AFDN: variants seen among roughly 807,000 people sequenced by gnomAD.
The protein encoded by AFDN is afadin, adherens junction formation factor.
In AFDN, 68 loss-of-function variants were observed where a neutral mutation model predicts 216.6. The ratio of observed to expected loss-of-function variants is 0.31; its 90% CI spans 0.26 to 0.38. The LOEUF (loss-of-function observed/expected upper bound fraction) is 0.38, where lower values mean the gene tolerates loss of function less well. Among genes scored for constraint, AFDN ranks in the 10% least tolerant of loss-of-function variants. AFDN has a pLI of 1.00. For missense variants in AFDN, 2,136 were observed against 2,342.0 expected (o/e 0.91, Z 1.82); for synonymous variants, 868 against 853.7 (o/e 1.02, Z -0.29).
chr6:167,889,205 G>GT lies in AFDN; in HGVS notation c.898-3dup, dbSNP rs1223041323. The GT allele has an allele frequency of 1.3e-5, 20 of 1,599,228 alleles. No homozygotes were observed. The highest frequency in any genetic ancestry group is 8.9e-5 in the East Asian group (4 of 44,752). Reference sequence around the variant, plus strand: ...GGCACATTCATAGTTAATTATTTTTGTTTTTTTAGGTTATGCTTCCTCCTG... The same window carrying GT: ...GGCACATTCATAGTTAATTATTTTTGTTTTTTTTAGGTTATGCTTCCTCCTG... On this transcript the variant is annotated splice_polypyrimidine_tract_variant and intron_variant, in intron 6 of 33. Transcript: ENST00000683244.
Position 167,915,158 on chromosome 6 carries a change from G to C in AFDN, c.2300-10G>C. Reference sequence around the variant, plus strand: ...TTTGCTCCTCTTGTCCTCTCACCCTGTCTGGGCAGATGATGTGCTGCACAC... The same window carrying C: ...TTTGCTCCTCTTGTCCTCTCACCCTCTCTGGGCAGATGATGTGCTGCACAC... On this transcript the variant is annotated splice_polypyrimidine_tract_variant and intron_variant, in intron 18 of 33. Transcript: ENST00000683244. 1.2e-6 allele frequency: 2 copies of C among 1,613,596 alleles called. No individual in the cohort carries two copies.
chr6:167,906,825 T>A (rs1178044232), intron 12 of AFDN, among the ~76,000 whole-genome samples: 1 of 152,232 alleles, frequency 6.6e-6, no homozygotes, highest in Non-Finnish European at 1.5e-5. Flanking sequence ...TTTTCTTATG[T>A]CTTATCCTGA....
rs756894281 is a variant in AFDN at position 167,880,407 on chromosome 6, T to C, written c.787T>C (p.Tyr263His). ...AGATAGTTTAAAACCAAATATTCCCTACAAGACAATCCTGCTGTCTACTAC... is the reference window on the plus strand; with the variant it reads ...AGATAGTTTAAAACCAAATATTCCCCACAAGACAATCCTGCTGTCTACTAC... ...YADSLKPNIP[Y>H]KTILLSTTDP... is the part of the protein sequence containing the mutation. The change falls in exon 6 of 34, where the codon TAC becomes CAC. Residue 263 changes from tyrosine (Y) to histidine (H), a missense_variant. Physicochemically the swap from Tyr to His is moderately conservative, Grantham distance 83. Coordinates refer to ENST00000683244, the MANE Select transcript of AFDN (RefSeq NM_001386888.1). 1 of 1,613,772 alleles carries C rather than the reference T, an allele frequency of 6.2e-7. No individual in the cohort carries two copies. Among genetic ancestry groups the C allele is most frequent in the South Asian group, 1.1e-5 (1 of 91,054 alleles).
intron 9 of AFDN, among the ~76,000 whole-genome samples, chr6:167,896,153 C>T (rs927094370): frequency 5.3e-5 from 8 of 151,962 alleles, no homozygotes; most frequent in African/African-American, 1.9e-4. Context: ...CTCCTCCTCA[C>T]CCCTTCCCTG....
chr6:167,840,659 T>C (rs146608633), intron 1 of AFDN, among the ~76,000 whole-genome samples: 6 of 152,346 alleles, frequency 3.9e-5, no homozygotes, highest in African/African-American at 1.4e-4. Flanking sequence ...ATGTTGTGAC[T>C]GAGAAGAGTA....
chr6:167,842,552 A>G (rs941149304), intron 1 of AFDN, among the ~76,000 whole-genome samples: 2 of 22,644 alleles, frequency 8.8e-5, no homozygotes, highest in African/African-American at 6.7e-4. Context: ...TTCCTGGGTC[A>G]CAGTATATAC....
In AFDN at chr6:167,965,822, G is replaced by A. The variant is rs768251595; in HGVS notation, c.5034G>A (p.Ala1678=). Residue 1678 remains alanine, a synonymous_variant, in exon 32 of 34, where the codon GCG becomes GCA. Transcript: ENST00000683244. ...AGAGGCGCAGACAGCACGACGAGGC[G>A]GCGCGCAGGTTGCTGGAGCCCGAGG... The part of the protein sequence containing the change: ...EAERRRQHDE[A]ARRLLEPEAP... The A allele has an allele frequency of 1.5e-5, 24 of 1,560,544 alleles. No individual in the cohort carries two copies. In the South Asian group the frequency reaches 2.4e-4, roughly 15 times the overall value.
chr6:167,944,501 A>G (rs1289014800), intron 26 of AFDN, among the ~76,000 whole-genome samples: 1 of 152,230 alleles, frequency 6.6e-6, no homozygotes, highest in Non-Finnish European at 1.5e-5. Context: ...ATAGGCATCT[A>G]TTTGTATATG....
chr6:167,925,151 T>C, intron 23 of AFDN, 60 bp downstream of exon 23: 1 of 1,229,208 alleles, frequency 8.1e-7, no homozygotes, highest in Admixed American at 1.7e-5. Flanking sequence ...GAATCAGTGG[T>C]TGTCAGAGTG....
intron 32 of AFDN, chr6:167,968,796 TG>T (rs897369248): frequency 8.4e-5 from 24 of 286,118 alleles, no homozygotes; most frequent in African/African-American, 5.1e-4. Flanking sequence ...ATGTTGCCGA[TG>T]GGTTGATGTT....
chr6:167,871,678 C>T (rs896365314), intron 3 of AFDN, among the ~76,000 whole-genome samples: 2 of 152,118 alleles, frequency 1.3e-5, no homozygotes, highest in South Asian at 4.1e-4. Context: ...GATCTGGAAA[C>T]GAAGTTAGAG....
intron 1 of AFDN, 44 bp downstream of exon 1, chr6:167,827,281 G>A: frequency 1.2e-6 from 1 of 865,882 alleles, no homozygotes; most frequent in Non-Finnish European, 1.4e-6. Flanking sequence ...CCCGCCCGCT[G>A]CGCCGCGCCC....
intron 23 of AFDN, among the ~76,000 whole-genome samples, chr6:167,939,045 TG>T (rs1794358997): frequency 6.6e-6 from 1 of 152,216 alleles, no homozygotes; most frequent in African/African-American, 2.4e-5. Context: ...GTCATTTTTT[TG>T]GTCTGTATTA....
intron 1 of AFDN, among the ~76,000 whole-genome samples, chr6:167,848,734 G>A (rs917674228): frequency 6.6e-6 from 1 of 152,148 alleles, no homozygotes; most frequent in Non-Finnish European, 1.5e-5. Flanking sequence ...ATGCTCTAAA[G>A]TATTTGAAAT....
rs1792009890 is a variant in AFDN, at chr6:167,922,885, T to C, written c.2938T>C (p.Ser980Pro). 1.2e-6 allele frequency: 2 copies of C among 1,613,228 alleles called. No individual in the cohort carries two copies. Among genetic ancestry groups the C allele is most frequent in the South Asian group, 2.2e-5 (2 of 90,820 alleles). ...GFCRLIPHTR[S>P]PGTWTIYFEG... ...TTGCAGGTTAATTCCTCACACACGT[T>C]CACCAGGTACTTGGACAATATATTT... The change falls in exon 22 of 34, where the codon TCA becomes CCA. Residue 980 changes from serine to proline, a missense_variant. Physicochemically the swap from Ser to Pro is moderately conservative, Grantham distance 74. Transcript: ENST00000683244.
chr6:167,965,858 G>C lies in AFDN; in HGVS notation c.5070G>C (p.Leu1690=). Residue 1690 remains leucine, a synonymous_variant, in exon 32 of 34, where the codon CTG becomes CTC. Transcript: ENST00000683244. The part of the protein sequence containing the change: ...RRLLEPEAPG[L]CRPPLPRDYE... ...TGCTGGAGCCCGAGGCGCCCGGTCT[G>C]TGCCGCCCTCCGCTTCCCCGGGACT... 6.5e-7 allele frequency: 1 copy of C among 1,549,438 alleles called. No individual in the cohort carries two copies. The highest frequency in any genetic ancestry group is 8.7e-7 in the Non-Finnish European group (1 of 1,146,668).
At chr6:167,938,333 T>TA (rs1794266653) in intron 23 of AFDN, among the ~76,000 whole-genome samples, 1 of 152,158 alleles carries the variant, frequency 6.6e-6, no homozygotes, top group African/African-American at 2.4e-5. Flanking sequence ...GTGAATAACT[T>TA]ATGCAGGAAG....
intron 1 of AFDN, among the ~76,000 whole-genome samples, chr6:167,844,919 G>C (rs928383149): frequency 6.7e-6 from 1 of 149,266 alleles, no homozygotes; most frequent in Non-Finnish European, 1.5e-5. Context: ...GAGTGCAGTG[G>C]CGCGATCATA....
intron 19 of AFDN, among the ~76,000 whole-genome samples, chr6:167,915,841 A>G (rs960013719): frequency 1.3e-5 from 2 of 152,242 alleles, no homozygotes; most frequent in African/African-American, 4.8e-5. Flanking sequence ...AATTACCTTC[A>G]GTCTGTGTGT....
Sources: allele counts gnomAD v4.1 joint callset (sites outside exome capture counted in the v4.1 genomes callset), GRCh38; gene constraint gnomAD v4.1.1; transcripts MANE v1.5; gene names NCBI Gene and HGNC (gene_info 2026-07-23, HGNC 2026-07-21).